Variants in FOXN3 observed in about 807,000 individuals in gnomAD.
The protein encoded by FOXN3 is forkhead box N3, also known as forkhead box protein N3.
In FOXN3, 7 loss-of-function variants were observed where a neutral mutation model predicts 38.4. The ratio of observed to expected loss-of-function variants is 0.18; its 90% confidence interval spans 0.10 to 0.34. The LOEUF is 0.34. FOXN3 is among the 10% of genes least tolerant of loss of function. The pLI is 1.00. For synonymous variants in FOXN3, 230 were observed against 242.2 expected (o/e 0.95, Z 0.47); for missense variants, 456 against 613.4 (o/e 0.74, Z 2.71).
intron 2 of FOXN3, among the ~76,000 whole-genome samples, chr14:89,399,031 T>C (rs953569668): frequency 2.0e-5 from 3 of 152,202 alleles, no homozygotes; most frequent in African/African-American, 7.2e-5. Flanking sequence ...GATCAAAGGC[T>C]TTCCTGAATT....
chr14:89,167,007 G>A (rs775109691), intron 5 of FOXN3, among the ~76,000 whole-genome samples: 3 of 152,184 alleles, frequency 2.0e-5, no homozygotes, highest in African/African-American at 4.8e-5. Flanking sequence ...TGATACATCC[G>A]AAATGCCTGC....
At chr14:89,326,752 T>C (rs565929629) in intron 3 of FOXN3, among the ~76,000 whole-genome samples, 1 of 152,188 alleles carries the variant, frequency 6.6e-6, no homozygotes, top group South Asian at 2.1e-4. Context: ...TCTATGACTC[T>C]TCAGACAACC....
intron 1 of FOXN3, among the ~76,000 whole-genome samples, chr14:89,529,948 T>G (rs1596308703): frequency 6.6e-6 from 1 of 151,882 alleles, no homozygotes; most frequent in Non-Finnish European, 1.5e-5. Context: ...GTAATTTTTT[T>G]TTTTTTTTTT....
At chr14:89,331,919 T>A (rs537615663) in intron 3 of FOXN3, among the ~76,000 whole-genome samples, 1 of 152,352 alleles carries the variant, frequency 6.6e-6, no homozygotes, top group African/African-American at 2.4e-5. Context: ...TGGTGTTCCT[T>A]GGAATATGTT....
At chr14:89,539,682 G>A (rs759612948) in intron 1 of FOXN3, among the ~76,000 whole-genome samples, 9 of 152,120 alleles carry the variant, frequency 5.9e-5, no homozygotes, top group Admixed American at 4.6e-4. Flanking sequence ...AGGGTAAGTA[G>A]GTGTATTTAT....
intron 4 of FOXN3, among the ~76,000 whole-genome samples, chr14:89,203,209 C>A (rs990047482): frequency 6.6e-6 from 1 of 152,054 alleles, no homozygotes; most frequent in African/African-American, 2.4e-5. Flanking sequence ...GGCTGAAACC[C>A]GAGAATGCAA....
intron 2 of FOXN3, 121 bp downstream of exon 2, chr14:89,411,813 G>A (rs1158533549): frequency 1.8e-6 from 1 of 565,890 alleles, no homozygotes; most frequent in Non-Finnish European, 2.8e-6. Context: ...GAATTAAATA[G>A]ACTAAAACCC....
chr14:89,385,954 GACTCACTTCT>G (rs1272530119), intron 2 of FOXN3, among the ~76,000 whole-genome samples: 1 of 152,240 alleles, frequency 6.6e-6, no homozygotes, highest in Non-Finnish European at 1.5e-5. Flanking sequence ...TCCTCACAAA[GACTCACTTCT>G]ACTCACTGAG....
chr14:89,321,160 G>A (rs1887884378), intron 3 of FOXN3, among the ~76,000 whole-genome samples: 1 of 152,066 alleles, frequency 6.6e-6, no homozygotes, highest in Non-Finnish European at 1.5e-5. Flanking sequence ...GCATGGTGGT[G>A]TGCACCTGTA....
intron 2 of FOXN3, among the ~76,000 whole-genome samples, chr14:89,366,125 T>C (rs2140050439): frequency 6.6e-6 from 1 of 152,168 alleles, no homozygotes; most frequent in Non-Finnish European, 1.5e-5. Context: ...TGGTGGCGGA[T>C]GCCTGTAGTC....
At chr14:89,310,528 T>C (rs1026682180) in intron 3 of FOXN3, among the ~76,000 whole-genome samples, 5 of 152,312 alleles carry the variant, frequency 3.3e-5, no homozygotes, top group Admixed American at 6.5e-5. Flanking sequence ...CAACTACTAA[T>C]GAATCCACTG....
intron 4 of FOXN3, among the ~76,000 whole-genome samples, chr14:89,260,731 C>T (rs1796674417): frequency 2.0e-5 from 3 of 152,342 alleles, no homozygotes; most frequent in Middle Eastern, 6.8e-3. Flanking sequence ...TTTAAGCAGC[C>T]CAAGTGTCGG....
chr14:89,420,885 T>TGA (rs1555352963), upstream of FOXN3, among the ~76,000 whole-genome samples: 26 of 140,856 alleles, frequency 1.8e-4, no homozygotes, highest in Admixed American at 9.2e-4. Context: ...AGATACGAAT[T>TGA]AAAAAAAAAA....
chr14:89,359,032 G>A (rs1199395650), intron 2 of FOXN3, among the ~76,000 whole-genome samples: 3 of 152,204 alleles, frequency 2.0e-5, no homozygotes, highest in Non-Finnish European at 4.4e-5. Flanking sequence ...CTCGGGCCAG[G>A]TGCAGTGGTT....
At chr14:89,254,122 C>A (rs1399966200) in intron 4 of FOXN3, among the ~76,000 whole-genome samples, 1 of 152,180 alleles carries the variant, frequency 6.6e-6, no homozygotes, top group Non-Finnish European at 1.5e-5. Context: ...TGAAACTTAA[C>A]ACTTCAGTCT....
chr14:89,250,995 C>A (rs925958650), intron 4 of FOXN3, among the ~76,000 whole-genome samples: 2 of 152,168 alleles, frequency 1.3e-5, no homozygotes, highest in Non-Finnish European at 2.9e-5. Flanking sequence ...TACTCAGTCT[C>A]GGGTATGTCT....
At chr14:89,466,410 G>A (rs1450575668) in intron 1 of FOXN3, among the ~76,000 whole-genome samples, 4 of 152,168 alleles carry the variant, frequency 2.6e-5, no homozygotes, top group Admixed American at 6.5e-5. Flanking sequence ...GGCAAATGCA[G>A]GGAATATGTT....
chr14:89,579,381 C>G (rs1312161046), intron 1 of FOXN3, among the ~76,000 whole-genome samples: 1 of 151,834 alleles, frequency 6.6e-6, no homozygotes, highest in African/African-American at 2.4e-5. Context: ...GCCTCAAACT[C>G]CTGGCCTCAA....
intron 3 of FOXN3, 26 bp from the exon 4 acceptor site, chr14:89,281,040 A>AG: frequency 6.2e-7 from 1 of 1,606,390 alleles, no homozygotes; most frequent in Non-Finnish European, 8.5e-7. Flanking sequence ...AACTAGCATA[A>AG]GGCCAAGTTC....
Sources: gnomAD v4.1 joint callset for allele counts (sites outside exome capture counted in the v4.1 genomes callset) on GRCh38, gnomAD v4.1.1 for gene constraint, MANE v1.5 for transcripts, NCBI Gene and HGNC (gene_info 2026-07-23, HGNC 2026-07-21) for gene names.